Variants in TENM2 observed in about 807,000 individuals in gnomAD.
TENM2 encodes teneurin-2.
TENM2 carries 52 observed loss-of-function variants against 245.2 expected under a neutral mutation model. The observed-to-expected ratio is 0.21, with a 90% CI of 0.17 to 0.27. TENM2 has a LOEUF of 0.27. Ranked by LOEUF, TENM2 falls within the 10% of genes least tolerant of loss-of-function variation. TENM2 has a pLI of 1.00. For synonymous variants in TENM2, 1,363 were observed against 1,438.9 expected (o/e 0.95, Z 1.19); for missense variants, 3,046 against 3,666.8 (o/e 0.83, Z 4.37).
chr5:167,586,898 G>GTT (rs1775538064), intron 2 of TENM2, among the ~76,000 whole-genome samples: 1 of 152,036 alleles, frequency 6.6e-6, no homozygotes, highest in Non-Finnish European at 1.5e-5. Context: ...TTTAACTTGG[G>GTT]TTTATTTTTC....
At chr5:167,228,408 C>T in the TENM2 span, among the ~76,000 whole-genome samples, 1 of 151,714 alleles carries the variant, frequency 6.6e-6, no homozygotes, top group African/African-American at 2.4e-5. Flanking sequence ...ATAAGTTCTT[C>T]AGTTCCAGAA....
At chr5:167,544,967 A>G (rs1401309936) in intron 2 of TENM2, among the ~76,000 whole-genome samples, 3 of 152,182 alleles carry the variant, frequency 2.0e-5, no homozygotes, top group South Asian at 2.1e-4. Flanking sequence ...GTCCAAATAC[A>G]TAGTTCACTG....
the TENM2 span, among the ~76,000 whole-genome samples, chr5:167,107,598 C>G: frequency 6.6e-6 from 1 of 152,158 alleles, no homozygotes; most frequent in Non-Finnish European, 1.5e-5. Flanking sequence ...AAGTCCAGCT[C>G]TGGTTCCTCT....
chr5:167,672,735 T>C (rs1431696436), intron 2 of TENM2, among the ~76,000 whole-genome samples: 1 of 152,088 alleles, frequency 6.6e-6, no homozygotes, highest in Non-Finnish European at 1.5e-5. Flanking sequence ...TAAGTTCAGG[T>C]GTTCACGCAG....
intron 2 of TENM2, among the ~76,000 whole-genome samples, chr5:167,687,107 G>C (rs984296039): frequency 6.6e-6 from 1 of 152,126 alleles, no homozygotes; most frequent in Non-Finnish European, 1.5e-5. Context: ...CTGGTGTTTT[G>C]TTACTGACCT....
intron 2 of TENM2, among the ~76,000 whole-genome samples, chr5:167,450,286 T>C (rs1454746139): frequency 1.3e-5 from 2 of 152,210 alleles, no homozygotes. Flanking sequence ...CATGTTTTGA[T>C]AGCCCTTGAG....
At chr5:167,827,117 T>C (rs1159275150) in intron 2 of TENM2, among the ~76,000 whole-genome samples, 1 of 152,204 alleles carries the variant, frequency 6.6e-6, no homozygotes, top group African/African-American at 2.4e-5. Flanking sequence ...TGTTTCTCTG[T>C]AGTGGCCTTC....
chr5:167,992,450 A>G (rs1783738100), intron 4 of TENM2, among the ~76,000 whole-genome samples: 1 of 152,116 alleles, frequency 6.6e-6, no homozygotes, highest in African/African-American at 2.4e-5. Flanking sequence ...CCATCTCATT[A>G]TTTTCATGGT....
chr5:168,178,944 A>C (rs1034513249), intron 13 of TENM2, among the ~76,000 whole-genome samples: 1 of 152,072 alleles, frequency 6.6e-6, no homozygotes, highest in Admixed American at 6.5e-5. Context: ...AGACCAGGCT[A>C]GCCAACATGG....
At chr5:167,601,216 G>C (rs571809699) in intron 2 of TENM2, among the ~76,000 whole-genome samples, 1 of 152,262 alleles carries the variant, frequency 6.6e-6, no homozygotes. Context: ...TGCCATTGGA[G>C]AGTGTTCAAT....
At chr5:168,000,863 G>A (rs140668358) in intron 5 of TENM2, among the ~76,000 whole-genome samples, 242 of 152,144 alleles carry the variant, frequency 1.6e-3, no homozygotes, top group African/African-American at 5.5e-3. Flanking sequence ...TATAGTCAGT[G>A]GAACATGGTG....
the TENM2 span, among the ~76,000 whole-genome samples, chr5:167,015,304 G>A: frequency 6.6e-6 from 1 of 152,070 alleles, no homozygotes; most frequent in African/African-American, 2.4e-5. Flanking sequence ...TAATATTTTT[G>A]TCATATCATT....
At chr5:168,203,148 G>T (rs1177591148) in intron 17 of TENM2, among the ~76,000 whole-genome samples, 1 of 152,206 alleles carries the variant, frequency 6.6e-6, no homozygotes, top group Non-Finnish European at 1.5e-5. Context: ...TCCTGCTGGT[G>T]CCTGCCTCTC....
At chr5:167,170,242 A>G in the TENM2 span, among the ~76,000 whole-genome samples, 9 of 152,250 alleles carry the variant, frequency 5.9e-5, no homozygotes, top group Non-Finnish European at 1.2e-4. Flanking sequence ...GGAAAAACGT[A>G]CAATCGAGCT....
chr5:167,090,981 G>A, the TENM2 span, among the ~76,000 whole-genome samples: 1 of 152,158 alleles, frequency 6.6e-6, no homozygotes, highest in Non-Finnish European at 1.5e-5. Context: ...CAGCAGCCAA[G>A]GAAGCAAATT....
the TENM2 span, among the ~76,000 whole-genome samples, chr5:167,044,468 G>T: frequency 6.6e-6 from 1 of 152,178 alleles, no homozygotes; most frequent in Non-Finnish European, 1.5e-5. Context: ...GAAATATGCA[G>T]CTCCAGTGTT....
intron 1 of TENM2, among the ~76,000 whole-genome samples, chr5:167,333,952 C>A (rs1289468593): frequency 2.6e-5 from 4 of 152,030 alleles, no homozygotes; most frequent in Non-Finnish European, 5.9e-5. Flanking sequence ...GATTACCTTG[C>A]CTACATCAGA....
chr5:168,052,961 G>A (rs755943012), intron 6 of TENM2, among the ~76,000 whole-genome samples: 6 of 152,280 alleles, frequency 3.9e-5, no homozygotes, highest in East Asian at 1.9e-4. Context: ...GGCTTAATGC[G>A]TGGTACTAGG....
the TENM2 span, among the ~76,000 whole-genome samples, chr5:167,268,387 G>A: frequency 1.3e-5 from 2 of 152,134 alleles, no homozygotes; most frequent in Non-Finnish European, 2.9e-5. Flanking sequence ...CTAAGAAAAT[G>A]TATCAATTTC....
Sources: allele counts gnomAD v4.1 joint callset (sites outside exome capture counted in the v4.1 genomes callset), GRCh38; gene constraint gnomAD v4.1.1; transcripts MANE v1.5; gene names NCBI Gene and HGNC (gene_info 2026-07-23, HGNC 2026-07-21).